The following LDLRAD4 variants were observed in gnomAD, a reference collection of about 807,000 sequenced individuals.
The protein encoded by LDLRAD4 is low-density lipoprotein receptor class A domain-containing protein 4.
Under a neutral mutation model 17.0 loss-of-function variants are expected in LDLRAD4, and 5 were observed. The observed-to-expected ratio is 0.29, with a 90% CI of 0.15 to 0.62. LDLRAD4 has a LOEUF of 0.62. LDLRAD4 is among the 20% of genes least tolerant of loss of function. The probability of loss-of-function intolerance (pLI) is 0.84; values close to 1 mark genes in which losing one functional copy is unlikely to be tolerated. For synonymous variants in LDLRAD4, 168 were observed against 171.8 expected, an observed-to-expected ratio of 0.98 and a Z score of 0.17; for missense variants, 340 against 424.7, an observed-to-expected ratio of 0.80 and a Z score of 1.75.
chr18:13,586,056 C>A (rs1404008139), intron 3 of LDLRAD4, among the ~76,000 whole-genome samples: 1 of 152,102 alleles, frequency 6.6e-6, no homozygotes, highest in Admixed American at 6.6e-5. Context: ...GAAGATATGG[C>A]AGACTCCTTG....
chr18:13,580,067 G>A (rs774793059), intron 3 of LDLRAD4, among the ~76,000 whole-genome samples: 11 of 152,218 alleles, frequency 7.2e-5, no homozygotes, highest in Non-Finnish European at 1.3e-4. Context: ...CATGGTCTGT[G>A]CTCATCAATT....
intron 3 of LDLRAD4, among the ~76,000 whole-genome samples, chr18:13,506,577 A>G (rs1340214164): frequency 6.6e-6 from 1 of 152,118 alleles, no homozygotes; most frequent in Non-Finnish European, 1.5e-5. Context: ...GTACATGAAA[A>G]ACAGCAGGTT....
chr18:13,221,925 TG>T (rs2041474241), intron 1 of LDLRAD4, among the ~76,000 whole-genome samples: 1 of 152,192 alleles, frequency 6.6e-6, no homozygotes, highest in South Asian at 2.1e-4. Flanking sequence ...CTGTGCCAAA[TG>T]GTTGACTTTT....
rs534476350 is a variant in LDLRAD4, at chr18:13,550,687, C to T, written c.182-70430C>T. The stretch of plus-strand genomic sequence containing the variant: ...CCTTGGGAGCTGGCCCCTGCCAAAA[C>T]GTAAGCCGAGGAAGATGAGAGGGGC... On this transcript the variant is annotated intron_variant, in intron 3 of 5. Coordinates refer to ENST00000359446, the Ensembl canonical transcript of LDLRAD4. 3.3e-4 allele frequency among the ~76,000 whole-genome samples: 51 copies of T among 152,322 alleles called. 1 individual carries two copies. Among genetic ancestry groups the T allele is most frequent in the Admixed American group, 7.8e-4 (12 of 15,306 alleles).
intron 1 of LDLRAD4, among the ~76,000 whole-genome samples, chr18:13,328,652 C>T (rs978200210): frequency 6.6e-6 from 1 of 152,202 alleles, no homozygotes; most frequent in African/African-American, 2.4e-5. Flanking sequence ...TCTGGGCTAT[C>T]TTATATGATT....
intron 1 of LDLRAD4, among the ~76,000 whole-genome samples, chr18:13,235,337 A>T (rs1168782554): frequency 2.0e-5 from 3 of 152,314 alleles, no homozygotes; most frequent in Non-Finnish European, 4.4e-5. Flanking sequence ...TGTCTCTATC[A>T]TAACCTTGAT....
At chr18:13,496,369 T>C (rs1216293846) in intron 3 of LDLRAD4, among the ~76,000 whole-genome samples, 1 of 152,148 alleles carries the variant, frequency 6.6e-6, no homozygotes, top group Admixed American at 6.5e-5. Context: ...CCCCAGTCTC[T>C]TCTTGATTCT....
At chr18:13,225,097 A>G (rs1017249511) in intron 1 of LDLRAD4, among the ~76,000 whole-genome samples, 6 of 152,276 alleles carry the variant, frequency 3.9e-5, no homozygotes, top group African/African-American at 1.2e-4. Flanking sequence ...CAGCCTCCCA[A>G]AGTGCTGGGA....
intron 1 of LDLRAD4, among the ~76,000 whole-genome samples, chr18:13,361,021 T>C (rs938348990): frequency 6.6e-6 from 1 of 152,266 alleles, no homozygotes; most frequent in Non-Finnish European, 1.5e-5. Context: ...GGGTATTGCA[T>C]GTGCATTGTG....
At chr18:13,475,292 G>A (rs956554828) in intron 3 of LDLRAD4, among the ~76,000 whole-genome samples, 4 of 152,104 alleles carry the variant, frequency 2.6e-5, no homozygotes, top group African/African-American at 7.2e-5. Flanking sequence ...TCTGTGGCCC[G>A]GAGACAACAG....
At chr18:13,453,618 G>T (rs912958875) in intron 3 of LDLRAD4, among the ~76,000 whole-genome samples, 1 of 152,178 alleles carries the variant, frequency 6.6e-6, no homozygotes, top group Non-Finnish European at 1.5e-5. Flanking sequence ...GCCAAGAGAG[G>T]TGTTTCTTTG....
chr18:13,585,927 T>TTAATAAATAA (rs2094926752), intron 3 of LDLRAD4, among the ~76,000 whole-genome samples: 2 of 152,198 alleles, frequency 1.3e-5, no homozygotes, highest in Non-Finnish European at 2.9e-5. Flanking sequence ...TAAATGAACT[T>TTAATAAATAA]GTCCATCAAA....
At chr18:13,220,467 A>G (rs971422047) in intron 1 of LDLRAD4, among the ~76,000 whole-genome samples, 14 of 152,150 alleles carry the variant, frequency 9.2e-5, no homozygotes, top group East Asian at 3.9e-4. Context: ...CAAGACCACA[A>G]TCCTGCAGTG....
chr18:13,634,622 T>G (rs919393753), intron 4 of LDLRAD4, among the ~76,000 whole-genome samples: 4 of 152,186 alleles, frequency 2.6e-5, no homozygotes, highest in Non-Finnish European at 5.9e-5. Flanking sequence ...ACTTAACTAT[T>G]TTTAAGATGT....
At position 13,621,170 on chromosome 18, in the gene LDLRAD4, G is replaced by A; in HGVS notation, c.235G>A (p.Val79Met). Reference sequence around the variant, plus strand: ...CATCGTCGTGGTGGTCACGGTGATGGTGGTGGTCATCGTCTGCCTGCTGAA... The same window carrying A: ...CATCGTCGTGGTGGTCACGGTGATGATGGTGGTCATCGTCTGCCTGCTGAA... The change falls in exon 4 of 6, where the codon GTG (valine) becomes ATG (methionine). Residue 79 changes from valine to methionine, a missense_variant. Coordinates refer to ENST00000359446, the Ensembl canonical transcript of LDLRAD4. The surrounding 1 kb of genome is among the most constrained non-coding windows in gnomAD (Gnocchi z 5.5). 6.2e-7 allele frequency: 1 copy of A among 1,614,122 alleles called. No individual in the cohort carries two copies. Among genetic ancestry groups the A allele is most frequent in the Non-Finnish European group, 8.5e-7 (1 of 1,179,952 alleles).
exon 6 of LDLRAD4, chr18:13,648,705 T>C (rs2043112213): frequency 6.6e-6 from 1 of 152,162 alleles, no homozygotes; most frequent in South Asian, 2.1e-4. Context: ...AGGTTTATAA[T>C]CTTAGATTAT....
intron 3 of LDLRAD4, chr18:13,490,296 C>T (rs2093332474): frequency 6.6e-6 from 1 of 152,184 alleles, no homozygotes; most frequent in African/African-American, 2.4e-5. Context: ...TTTTAAGTGA[C>T]AATATGATGC....
At chr18:13,309,167 T>C in intron 1 of LDLRAD4, among the ~76,000 whole-genome samples, 1 of 152,244 alleles carries the variant, frequency 6.6e-6, no homozygotes. Context: ...TGCAGAGGCC[T>C]GTGAGCGACC....
At chr18:13,528,191 T>C (rs948760074) in intron 3 of LDLRAD4, among the ~76,000 whole-genome samples, 4 of 152,136 alleles carry the variant, frequency 2.6e-5, no homozygotes, top group Non-Finnish European at 5.9e-5. Flanking sequence ...TCTAAAAGTA[T>C]ATGGGGGAAA....
Sources: gnomAD v4.1 joint callset for allele counts (sites outside exome capture counted in the v4.1 genomes callset) on GRCh38, gnomAD v4.1.1 for gene constraint, Gnocchi (gnomAD v3.1) non-coding constraint, MANE v1.5 for transcripts, NCBI Gene and HGNC (gene_info 2026-07-23, HGNC 2026-07-21) for gene names.